UBE2O: variants seen among roughly 807,000 people sequenced by gnomAD.
The protein encoded by UBE2O is (E3-independent) E2 ubiquitin-conjugating enzyme.
A neutral mutation model predicts 125.8 loss-of-function variants in UBE2O; 15 were observed. The ratio of observed to expected loss-of-function variants is 0.12; its 90% CI spans 0.08 to 0.18. The LOEUF is 0.18. UBE2O is among the 10% of genes least tolerant of loss of function. UBE2O has a pLI of 1.00. For missense variants in UBE2O, 1,280 were observed against 1,723.6 expected (o/e 0.74, Z 4.56); for synonymous variants, 708 against 703.2 (o/e 1.01, Z -0.11).
intron 1 of UBE2O, among the ~76,000 whole-genome samples, chr17:76,449,256 T>C (rs2073197093): frequency 1.3e-5 from 2 of 152,324 alleles, no homozygotes; most frequent in Admixed American, 6.5e-5. Flanking sequence ...TATGAAACAC[T>C]CCACATTAAA....
rs4789291 is a variant in UBE2O, at chr17:76,410,046, G to T, written c.418-4474C>A. 0.47 allele frequency among the ~76,000 whole-genome samples: 70,612 copies of T among 151,666 alleles called. 18,868 individuals are homozygous for T. The highest frequency in any genetic ancestry group is 0.6 in the Non-Finnish European group (40,530 of 67,816). ...GGGAATGAGCTTACCAAGCAGGGAG[G>T]AGTAGCTGTCAAGGTGCTGGGTGGG... On this transcript the variant is annotated intron_variant, in intron 1 of 17. Coordinates refer to ENST00000319380, the MANE Select transcript of UBE2O (RefSeq NM_022066.4). The surrounding 1 kb of genome is among the most constrained non-coding windows in gnomAD (Gnocchi z 4.0).
chr17:76,405,444 G>T lies in UBE2O; in HGVS notation c.477+69C>A. On this transcript the variant is annotated intron_variant, in intron 2 of 17. Transcript: ENST00000319380. The surrounding 1 kb of genome is among the most constrained non-coding windows in gnomAD (Gnocchi z 6.1). ...AGTTCTCCCACATGCAGAGTGCGAG[G>T]TGGGCAGGCTCAAGTCCCTAAGGTG... 6.5e-7 allele frequency: 1 copy of T among 1,538,052 alleles called. No homozygotes were observed.
In UBE2O at chr17:76,410,336, T is replaced by C. The variant is rs990270173; in HGVS notation, c.418-4764A>G. Among the ~76,000 whole-genome samples, 1 of 151,566 alleles carries C rather than the reference T, an allele frequency of 6.6e-6. No individual in the cohort carries two copies. Among genetic ancestry groups the C allele is most frequent in the African/African-American group, 2.4e-5 (1 of 41,272 alleles). ...GTAATTTTGCTCCTCAAAGGACATT[T>C]GGCAATGTCTGGAGACACTTTCGGT... On this transcript the variant is annotated intron_variant, in intron 1 of 17. Coordinates refer to ENST00000319380, the MANE Select transcript of UBE2O (RefSeq NM_022066.4). This position sits in a 1 kb window ranked among gnomAD's most constrained non-coding sequence, Gnocchi z 4.0.
intron 1 of UBE2O, among the ~76,000 whole-genome samples, chr17:76,429,921 A>G (rs1185009028): frequency 6.6e-6 from 1 of 152,168 alleles, no homozygotes; most frequent in Non-Finnish European, 1.5e-5. Context: ...CTCACTCGCC[A>G]GCAAAGGGGA....
intron 1 of UBE2O, among the ~76,000 whole-genome samples, chr17:76,443,045 G>A (rs974867404): frequency 2.6e-5 from 4 of 152,198 alleles, no homozygotes; most frequent in Non-Finnish European, 4.4e-5. Flanking sequence ...ATTTAGGGGT[G>A]AAGTGCTATC....
At chr17:76,401,192 G>C in intron 5 of UBE2O, 38 bp from the exon 6 acceptor site, 1 of 1,608,116 alleles carries the variant, frequency 6.2e-7, no homozygotes, top group Non-Finnish European at 8.5e-7. Flanking sequence ...CCCCGTGAGC[G>C]GTGTCTCCAT....
rs1351653259 is a variant in UBE2O at position 76,452,118 on chromosome 17, C to T, written c.417+607G>A. ...CCTCCCCCCCAAGTACTATTCATAC[C>T]GGGGCTCTGATTGCTAATGATTTTA... On this transcript the variant is annotated intron_variant, in intron 1 of 17. Coordinates refer to ENST00000319380, the MANE Select transcript of UBE2O (RefSeq NM_022066.4). The surrounding 1 kb of genome is among the most constrained non-coding windows in gnomAD (Gnocchi z 4.4). 6.6e-6 allele frequency among the ~76,000 whole-genome samples: 1 copy of T among 151,972 alleles called. No individual in the cohort carries two copies. The highest frequency in any genetic ancestry group is 1.5e-5 in the Non-Finnish European group (1 of 68,002).
Position 76,452,381 on chromosome 17 carries a change from C to A in UBE2O, c.417+344G>T, listed in dbSNP as rs2073264574. On this transcript the variant is annotated intron_variant, in intron 1 of 17. Transcript: ENST00000319380. The surrounding 1 kb of genome is among the most constrained non-coding windows in gnomAD (Gnocchi z 4.4). ...CCTTGGGGGTCAGCAAAACGCCGCA[C>A]TGGTGTAACGCCGAACGCGCCCCAG... Among the ~76,000 whole-genome samples, 1 of 152,198 alleles carries A rather than the reference C, an allele frequency of 6.6e-6. No homozygotes were observed. The highest frequency in any genetic ancestry group is 1.5e-5 in the Non-Finnish European group (1 of 68,034).
chr17:76,424,583 A>C (rs1381839356), intron 1 of UBE2O, among the ~76,000 whole-genome samples: 2 of 151,998 alleles, frequency 1.3e-5, no homozygotes, highest in Non-Finnish European at 1.5e-5. Flanking sequence ...AAACATTAAA[A>C]TTAATTTCTG....
chr17:76,444,303 C>T (rs2073121693), intron 1 of UBE2O, among the ~76,000 whole-genome samples: 1 of 152,156 alleles, frequency 6.6e-6, no homozygotes, highest in Non-Finnish European at 1.5e-5. Context: ...AATCCCAACA[C>T]TTTGGGAAGC....
At chr17:76,447,844 A>C (rs578083738) in intron 1 of UBE2O, among the ~76,000 whole-genome samples, 15 of 152,320 alleles carry the variant, frequency 9.8e-5, no homozygotes, top group African/African-American at 3.6e-4. Flanking sequence ...TTCTCATGGA[A>C]GTGATCTTCT....
At chr17:76,418,535 G>A (rs2072652559) in intron 1 of UBE2O, among the ~76,000 whole-genome samples, 1 of 151,826 alleles carries the variant, frequency 6.6e-6, no homozygotes, top group South Asian at 2.1e-4. Context: ...GGAAAATGGA[G>A]CAGCCTCCAC....
rs148739186 is a variant in UBE2O, at chr17:76,398,032, G to C, written c.2026-144C>G. On this transcript the variant is annotated intron_variant, in intron 12 of 17. Transcript: ENST00000319380. The surrounding 1 kb of genome is among the most constrained non-coding windows in gnomAD (Gnocchi z 5.4). ...CCTCTGGTAAATGTAACCAGCGGCA[G>C]CTCAAGAAGCCTGACCCCAGAAGGG... 1.3e-4 allele frequency: 139 copies of C among 1,036,912 alleles called. No homozygotes were observed. The African/African-American group carries it at 1.8e-3, about 14-fold the overall frequency. 64.2% of individuals were successfully genotyped at this position (1,036,912 alleles called of 1,614,324 possible).
Position 76,396,210 on chromosome 17 carries a change from C to T in UBE2O, c.2727G>A (p.Leu909=). 1 of 1,614,182 alleles carries T rather than the reference C, an allele frequency of 6.2e-7. No individual in the cohort carries two copies. Among genetic ancestry groups the T allele is most frequent in the Non-Finnish European group, 8.5e-7 (1 of 1,180,038 alleles). The change falls in exon 14 of 18, where the codon CTG becomes CTA. Residue 909 remains leucine, a synonymous_variant. Coordinates refer to ENST00000319380, the MANE Select transcript of UBE2O (RefSeq NM_022066.4). The surrounding 1 kb of genome is among the most constrained non-coding windows in gnomAD (Gnocchi z 6.7). The stretch of plus-strand genomic sequence containing the variant: ...CAGGCTTGCCGCCACACTGCTGGCA[C>T]AGCACCGGGGTTTCGCTGGGCCACT... The part of the protein sequence containing the change: ...KAEWPSETPV[L]CQQCGGKPGV...
chr17:76,396,875 CACT>C lies in UBE2O; in HGVS notation c.2116-57_2116-55del. On this transcript the variant is annotated intron_variant, in intron 13 of 17. Transcript: ENST00000319380. This position sits in a 1 kb window ranked among gnomAD's most constrained non-coding sequence, Gnocchi z 6.7. ...AGCAGACAGGAAGTCACCTCCCCAC[CACT>C]AAGGAGGAGCTCTGGGGATCCCTGA... 3 of 1,471,330 alleles carry C rather than the reference CACT, an allele frequency of 2.0e-6. No homozygotes were observed. Among genetic ancestry groups the C allele is most frequent in the Non-Finnish European group, 1.8e-6 (2 of 1,087,724 alleles). 91.1% of individuals were successfully genotyped at this position (1,471,330 alleles called of 1,614,324 possible).
chr17:76,396,935 G>T lies in UBE2O; in HGVS notation c.2116-114C>A. The T allele has an allele frequency of 1.1e-6, 1 of 926,298 alleles. No homozygotes were observed. 57.4% of individuals were successfully genotyped at this position (926,298 alleles called of 1,614,324 possible). A position where few individuals can be genotyped will look rare whatever the true frequency, so the allele number is the denominator to read the frequency against. Reference sequence around the variant, plus strand: ...CAGCTGATGGCGACTGGGCTCATGAGGCCTTGGCAACCTCATTCCACCCTT... The same window carrying T: ...CAGCTGATGGCGACTGGGCTCATGATGCCTTGGCAACCTCATTCCACCCTT... On this transcript the variant is annotated intron_variant, in intron 13 of 17. Coordinates refer to ENST00000319380, the MANE Select transcript of UBE2O (RefSeq NM_022066.4). This position sits in a 1 kb window ranked among gnomAD's most constrained non-coding sequence, Gnocchi z 6.7.
intron 1 of UBE2O, among the ~76,000 whole-genome samples, chr17:76,441,611 G>C (rs1355223470): frequency 6.6e-6 from 1 of 152,208 alleles, no homozygotes; most frequent in Non-Finnish European, 1.5e-5. Flanking sequence ...TCAAAAGACA[G>C]TCCCAGCCAG....
rs978015068 is a variant in UBE2O at position 76,410,571 on chromosome 17, G to A, written c.418-4999C>T. Among the ~76,000 whole-genome samples the A allele has an allele frequency of 6.6e-6, 1 of 152,192 alleles. No individual in the cohort carries two copies. Among genetic ancestry groups the A allele is most frequent in the Admixed American group, 6.5e-5 (1 of 15,274 alleles). On this transcript the variant is annotated intron_variant, in intron 1 of 17. Coordinates refer to ENST00000319380, the MANE Select transcript of UBE2O (RefSeq NM_022066.4). This position sits in a 1 kb window ranked among gnomAD's most constrained non-coding sequence, Gnocchi z 4.0. ...AGGTGGGTCTGCGGACCAGCCTCTG[G>A]ATACATCAAGTAGGAAAGCAATCAA...
intron 1 of UBE2O, among the ~76,000 whole-genome samples, chr17:76,419,347 G>GT (rs1339105931): frequency 1.3e-5 from 2 of 149,814 alleles, no homozygotes; most frequent in African/African-American, 4.9e-5. Flanking sequence ...TGACTACTTA[G>GT]GAATATTTGT....
Sources: gnomAD v4.1 joint callset for allele counts (sites outside exome capture counted in the v4.1 genomes callset) on GRCh38, gnomAD v4.1.1 for gene constraint, Gnocchi (gnomAD v3.1) non-coding constraint, MANE v1.5 for transcripts, NCBI Gene and HGNC (gene_info 2026-07-23, HGNC 2026-07-21) for gene names.